Variants in MSTO1 observed in about 807,000 individuals in gnomAD.
MSTO1 encodes misato mitochondrial distribution and morphology regulator 1.
MSTO1 carries 24 observed loss-of-function variants against 55.7 expected under a neutral mutation model. The observed-to-expected ratio is 0.43, with a 90% CI of 0.31 to 0.61. MSTO1 has a LOEUF of 0.61. MSTO1 is among the 20% of genes least tolerant of loss of function. The probability of loss-of-function intolerance (pLI) is 0.09; values close to 1 mark genes in which losing one functional copy is unlikely to be tolerated. For missense variants in MSTO1, 363 were observed against 625.7 expected, an observed-to-expected ratio of 0.58 and a Z score of 4.48; for synonymous variants, 162 against 252.8, an observed-to-expected ratio of 0.64 and a Z score of 3.41.
At chr1:155,589,164 G>A in the MSTO1 span, among the ~76,000 whole-genome samples, 1 of 152,008 alleles carries the variant, frequency 6.6e-6, no homozygotes, top group South Asian at 2.1e-4. Context: ...TGCGTGTGGT[G>A]GCACACACCT....
At chr1:155,573,389 C>A in the MSTO1 span, among the ~76,000 whole-genome samples, 1 of 152,048 alleles carries the variant, frequency 6.6e-6, no homozygotes, top group Non-Finnish European at 1.5e-5. Context: ...ATAATGAGAT[C>A]CTTTCTCTAC....
the MSTO1 span, among the ~76,000 whole-genome samples, chr1:155,569,395 A>G: frequency 1.3e-5 from 2 of 148,314 alleles, no homozygotes; most frequent in African/African-American, 5.0e-5. Flanking sequence ...TCGGCCTCCC[A>G]AAGTGCTGGG....
At chr1:155,572,425 C>T in the MSTO1 span, among the ~76,000 whole-genome samples, 5 of 152,174 alleles carry the variant, frequency 3.3e-5, no homozygotes, top group East Asian at 9.7e-4. Context: ...TGTTAGAATT[C>T]CTGGAATGGC....
the MSTO1 span, chr1:155,591,100 A>T: frequency 2.5e-6 from 4 of 1,613,466 alleles, no homozygotes; most frequent in African/African-American, 4.0e-5. Flanking sequence ...GCTCTGCACC[A>T]CTCAGGACAT....
chr1:155,563,392 C>T, the MSTO1 span: 3 of 456,488 alleles, frequency 6.6e-6, no homozygotes, highest in African/African-American at 4.0e-5. Context: ...CTCCGGACCT[C>T]CAGGAGGTAG....
upstream of MSTO1, among the ~76,000 whole-genome samples, chr1:155,609,358 G>C (rs906391209): frequency 2.0e-5 from 3 of 147,048 alleles, no homozygotes; most frequent in African/African-American, 7.6e-5. Flanking sequence ...CCATTCGCCT[G>C]CCTCAGCCTC....
chr1:155,597,915 C>G, the MSTO1 span, among the ~76,000 whole-genome samples: 2 of 151,678 alleles, frequency 1.3e-5, no homozygotes, highest in Admixed American at 1.3e-4. Context: ...CTCCTGGGTT[C>G]GAGCGATTCT....
chr1:155,570,008 G>A, the MSTO1 span, among the ~76,000 whole-genome samples: 1 of 152,210 alleles, frequency 6.6e-6, no homozygotes, highest in East Asian at 1.9e-4. Flanking sequence ...TACCTGGAAC[G>A]TTAGTACCCA....
At chr1:155,565,447 G>A in the MSTO1 span, among the ~76,000 whole-genome samples, 3 of 152,172 alleles carry the variant, frequency 2.0e-5, no homozygotes, top group Non-Finnish European at 4.4e-5. Flanking sequence ...ACACTTTGAG[G>A]TAGATAATCT....
the MSTO1 span, among the ~76,000 whole-genome samples, chr1:155,581,757 A>T: frequency 6.6e-6 from 1 of 151,448 alleles, no homozygotes; most frequent in Non-Finnish European, 1.5e-5. Flanking sequence ...GCTTCCTATT[A>T]GGCTGGAGAT....
the MSTO1 span, among the ~76,000 whole-genome samples, chr1:155,599,855 T>G: frequency 6.6e-6 from 1 of 152,236 alleles, no homozygotes; most frequent in Non-Finnish European, 1.5e-5. Flanking sequence ...CTTTTAGATA[T>G]GCATACACAT....
At chr1:155,613,934 C>T (rs911908611) in intron 13 of MSTO1, 125 bp from the exon 14 acceptor site, 1 of 904,472 alleles carries the variant, frequency 1.1e-6, no homozygotes, top group Non-Finnish European at 1.7e-6. Context: ...ACTAAGGGGA[C>T]AATACACCAA....
At chr1:155,592,268 CCTT>C in the MSTO1 span, among the ~76,000 whole-genome samples, 1 of 152,124 alleles carries the variant, frequency 6.6e-6, no homozygotes, top group Admixed American at 6.6e-5. Flanking sequence ...CAAAAGTTTA[CCTT>C]CTTGGGATAC....
the MSTO1 span, among the ~76,000 whole-genome samples, chr1:155,583,777 G>A: frequency 6.6e-6 from 1 of 152,148 alleles, no homozygotes; most frequent in African/African-American, 2.4e-5. Context: ...TCTGGACCAT[G>A]TCACACACTC....
upstream of MSTO1, among the ~76,000 whole-genome samples, chr1:155,609,229 ATATATATATATATAT>A (rs1264550645): frequency 2.2e-5 from 1 of 45,910 alleles, no homozygotes; most frequent in Non-Finnish European, 5.0e-5. Flanking sequence ...ATATATATAT[ATATATATATATATAT>A]TTTTTTTTTT....
At chr1:155,571,404 G>A in the MSTO1 span, among the ~76,000 whole-genome samples, 3 of 152,042 alleles carry the variant, frequency 2.0e-5, no homozygotes, top group Non-Finnish European at 2.9e-5. Context: ...TTCTTTCGAC[G>A]TGGCCCAGGA....
At chr1:155,611,527 C>T in intron 4 of MSTO1, 22 bp from the exon 5 acceptor site, 6 of 1,612,886 alleles carry the variant, frequency 3.7e-6, no homozygotes, top group Non-Finnish European at 4.2e-6. Context: ...AACTAAATGT[C>T]GATTTTTCTG....
At position 155,613,085 on chromosome 1, in the gene MSTO1, G is replaced by A. The variant is rs747172489; in HGVS notation, c.1135G>A (p.Ala379Thr). 1.3e-5 allele frequency: 21 copies of A among 1,613,578 alleles called. No homozygotes were observed. The Admixed American group carries it at 1.5e-4, about 12-fold the overall frequency. ...AGGAGCAATCATCCCTTTCCCCTTGGCTCCAGGCCAGTCCCTTCCTGATTC... is the reference window on the plus strand; with the variant it reads ...AGGAGCAATCATCCCTTTCCCCTTGACTCCAGGCCAGTCCCTTCCTGATTC... ...TAGAIIPFPLAPGQSLPDSLM... is the reference protein window; with the variant it reads ...TAGAIIPFPLTPGQSLPDSLM... Residue 379 changes from alanine (A) to threonine (T), a missense_variant, in exon 11 of 14, where the codon GCT becomes ACT. By Grantham distance (58) the Ala-to-Thr change is moderately conservative. Coordinates refer to ENST00000245564, the MANE Select transcript of MSTO1 (RefSeq NM_018116.4).
chr1:155,587,605 G>A, the MSTO1 span, among the ~76,000 whole-genome samples: 1 of 151,736 alleles, frequency 6.6e-6, no homozygotes, highest in African/African-American at 2.4e-5. Flanking sequence ...TTAGCCGGGC[G>A]TGGTGGCGGG....
Sources: gnomAD v4.1 joint callset for allele counts (sites outside exome capture counted in the v4.1 genomes callset) on GRCh38, gnomAD v4.1.1 for gene constraint, MANE v1.5 for transcripts, NCBI Gene and HGNC (gene_info 2026-07-23, HGNC 2026-07-21) for gene names.